The following GART variants were observed in gnomAD, a reference collection of about 807,000 sequenced individuals.
The protein encoded by GART is trifunctional purine biosynthetic protein adenosine-3.
GART carries 43 observed loss-of-function variants against 107.2 expected under a neutral mutation model. The observed-to-expected ratio is 0.40, with a 90% CI of 0.31 to 0.52. The LOEUF is 0.52. Among genes scored for constraint, GART ranks in the 20% least tolerant of loss-of-function variants. The pLI, the probability that GART is intolerant of heterozygous loss-of-function variation, is 0.52. For missense variants in GART, 1,107 were observed against 1,206.5 expected (o/e 0.92, Z 1.22); for synonymous variants, 434 against 427.0 (o/e 1.02, Z -0.20).
At chr21:33,533,116 G>C (rs1031500417) in intron 4 of GART, among the ~76,000 whole-genome samples, 1 of 152,152 alleles carries the variant, frequency 6.6e-6, no homozygotes, top group African/African-American at 2.4e-5. Flanking sequence ...ACATAATAGA[G>C]AACAAAGGAT....
At chr21:33,530,595 T>TA (rs1424876989) in intron 7 of GART, 164 bp downstream of exon 7, 13 of 658,590 alleles carry the variant, frequency 2.0e-5, no homozygotes, top group Non-Finnish European at 2.8e-5. Context: ...TAGGAAAAGT[T>TA]AGTTTTAGAG....
intron 1 of GART, among the ~76,000 whole-genome samples, chr21:33,540,256 T>C (rs747016366): frequency 1.3e-5 from 2 of 152,198 alleles, no homozygotes; most frequent in Non-Finnish European, 2.9e-5. Context: ...CACTGTTGCC[T>C]ATCAGTACTT....
intron 11 of GART, chr21:33,523,877 G>A (rs1319208940): frequency 8.7e-6 from 3 of 345,230 alleles, no homozygotes; most frequent in Non-Finnish European, 1.2e-5. Flanking sequence ...TGAGGAAGGG[G>A]AATCACTTGA....
chr21:33,531,412 C>A, intron 6 of GART, 77 bp downstream of exon 6: 1 of 1,253,378 alleles, frequency 8.0e-7, no homozygotes, highest in Admixed American at 2.1e-5. Context: ...CAGAGTATAT[C>A]AAGTCTTTTC....
Position 33,524,982 on chromosome 21 carries a change from G to A in GART, c.1085C>T (p.Ala362Val). ...TGCATGGAACACCTCCAGTCCTAGA[G>A]CTTGAGCCTCAGGAAACCCTAGAAG... Reference protein sequence around the residue: ...VEITGFPEAQALGLEVFHAGT... With the variant: ...VEITGFPEAQVLGLEVFHAGT... Residue 362 changes from alanine (A) to valine (V), a missense_variant, in exon 11 of 22, where the codon GCT (alanine) becomes GTT (valine). By Grantham distance (64) the Ala-to-Val change is moderately conservative. Transcript: ENST00000381815. 6.2e-7 allele frequency: 1 copy of A among 1,614,100 alleles called. No homozygotes were observed. Among genetic ancestry groups the A allele is most frequent in the Non-Finnish European group, 8.5e-7 (1 of 1,180,004 alleles).
chr21:33,517,335 G>A (rs1449920756), intron 15 of GART, 22 bp downstream of exon 15: 1 of 1,613,560 alleles, frequency 6.2e-7, no homozygotes, highest in African/African-American at 1.3e-5. Flanking sequence ...AAGCAGGACA[G>A]TTTAAACATG....
intron 6 of GART, 67 bp from the exon 7 acceptor site, chr21:33,530,951 G>A: frequency 7.1e-7 from 1 of 1,407,494 alleles, no homozygotes; most frequent in South Asian, 1.6e-5. Flanking sequence ...ATTTAGTGAG[G>A]CAAACTATAT....
At chr21:33,527,047 A>C (rs1397733610) in intron 10 of GART, among the ~76,000 whole-genome samples, 1 of 152,206 alleles carries the variant, frequency 6.6e-6, no homozygotes. Context: ...TACACTTGTT[A>C]CTTCAATCTT....
chr21:33,509,973 GAAT>G, intron 17 of GART, 53 bp from the exon 18 acceptor site: 1 of 1,490,404 alleles, frequency 6.7e-7, no homozygotes, highest in Middle Eastern at 1.8e-4. Context: ...GAATTAACAA[GAAT>G]AATGGAAAGA....
chr21:33,512,931 T>G (rs2084812634), intron 16 of GART, among the ~76,000 whole-genome samples: 1 of 151,830 alleles, frequency 6.6e-6, no homozygotes, highest in Non-Finnish European at 1.5e-5. Context: ...TTTTTTTTTT[T>G]TTGAGACAGA....
rs2145714009 is a variant in GART, at chr21:33,520,667, AT to A, written c.1504-106del. 3 of 1,013,644 alleles carry A rather than the reference AT, an allele frequency of 3.0e-6. No homozygotes were observed. In the South Asian group the frequency reaches 4.9e-5, roughly 16 times the overall value. 62.8% of individuals were successfully genotyped at this position (1,013,644 alleles called of 1,614,324 possible). ...ACACCTAAAAACAAAAGAACACGAA[AT>A]TCTGACAAGCTACTTGGTCTAAAAG... is the stretch of plus-strand genomic sequence containing the variant. On this transcript the variant is annotated intron_variant, in intron 13 of 21. Coordinates refer to ENST00000381815, the MANE Select transcript of GART (RefSeq NM_000819.5).
chr21:33,536,486 T>C (rs564669128), intron 2 of GART, among the ~76,000 whole-genome samples: 1 of 152,336 alleles, frequency 6.6e-6, no homozygotes, highest in South Asian at 2.1e-4. Context: ...TCCCTCTTTA[T>C]CCTTAGAGGA....
At chr21:33,531,061 T>C (rs1452557770) in intron 6 of GART, 177 bp from the exon 7 acceptor site, 2 of 443,692 alleles carry the variant, frequency 4.5e-6, no homozygotes, top group Non-Finnish European at 3.7e-6. Context: ...AGAATCATAA[T>C]GTACTCAACT....
chr21:33,522,169 A>C lies in GART; in HGVS notation c.1393+19T>G, dbSNP rs924640297. 6 of 1,573,476 alleles carry C rather than the reference A, an allele frequency of 3.8e-6. No individual in the cohort carries two copies. The African/African-American group carries it at 6.8e-5, about 18-fold the overall frequency. On this transcript the variant is annotated intron_variant, in intron 12 of 21. Transcript: ENST00000381815. ...TGTATATCAAAGTTAATGAATTAGC[A>C]AAGTATAGGATCACTGACCTGATCT...
At chr21:33,536,171 G>A (rs1443160252) in intron 2 of GART, among the ~76,000 whole-genome samples, 1 of 152,164 alleles carries the variant, frequency 6.6e-6, no homozygotes, top group African/African-American at 2.4e-5. Flanking sequence ...GATATGAAGT[G>A]AATTGAGAGG....
rs773487910 is a variant in GART, at chr21:33,522,288, G to C, written c.1299-6C>G. 1.9e-6 allele frequency: 3 copies of C among 1,596,574 alleles called. No individual in the cohort carries two copies. The African/African-American group carries it at 4.0e-5, about 21-fold the overall frequency. On this transcript the variant is annotated splice_polypyrimidine_tract_variant and splice_region_variant and intron_variant, in intron 11 of 21. Transcript: ENST00000381815. ...ATTCCTTGTAAGTCAAACTCCTAAA[G>C]AATTAAAAACAAGTCATCACCTAAA...
chr21:33,522,366 C>A (rs2084989110), intron 11 of GART, 84 bp from the exon 12 acceptor site: 2 of 1,094,120 alleles, frequency 1.8e-6, no homozygotes, highest in Admixed American at 2.0e-5. Context: ...AGAAGATATC[C>A]CAAGTGATTT....
rs1278333901 is a variant in GART at position 33,505,710 on chromosome 21, A to G, written c.2584-8T>C. 6.3e-7 allele frequency: 1 copy of G among 1,584,366 alleles called. No homozygotes were observed. The highest frequency in any genetic ancestry group is 2.2e-5 in the East Asian group (1 of 44,630). On this transcript the variant is annotated splice_region_variant and splice_polypyrimidine_tract_variant and intron_variant, in intron 19 of 21. Transcript: ENST00000381815. ...CAGTTTATGATTAATTACCTGTAAT[A>G]GAAAAAGATAAGCACAACCCTTTTC...
rs2085114427 is a variant in GART at position 33,528,355 on chromosome 21, A to G, written c.898-20T>C. 6 of 1,610,050 alleles carry G rather than the reference A, an allele frequency of 3.7e-6. No homozygotes were observed. Among genetic ancestry groups the G allele is most frequent in the East Asian group, 2.2e-5 (1 of 44,848 alleles). On this transcript the variant is annotated intron_variant, in intron 9 of 21. Transcript: ENST00000381815. The stretch of plus-strand genomic sequence containing the variant: ...GATTACCTGGAAAAACATAATCCAC[A>G]TGGCAGGTGGGATAAATTTTAGTTT...
Sources: allele counts gnomAD v4.1 joint callset (sites outside exome capture counted in the v4.1 genomes callset), GRCh38; gene constraint gnomAD v4.1.1; transcripts MANE v1.5; gene names NCBI Gene and HGNC (gene_info 2026-07-23, HGNC 2026-07-21).